KPNA5: variants seen among roughly 807,000 people sequenced by gnomAD.
KPNA5 encodes the protein importin subunit alpha-6.
KPNA5 carries 46 observed loss-of-function variants against 71.3 expected under a neutral mutation model. The observed-to-expected ratio is 0.65, with a 90% confidence interval of 0.51 to 0.83. The LOEUF is 0.83. KPNA5 is among the 40% of genes least tolerant of loss of function. The pLI is 0.00. For synonymous variants in KPNA5, 207 were observed against 201.4 expected (o/e 1.03, Z -0.24); for missense variants, 547 against 628.3 (o/e 0.87, Z 1.38).
intron 5 of KPNA5, among the ~76,000 whole-genome samples, chr6:116,701,542 C>G (rs187257983): frequency 2.0e-5 from 3 of 152,268 alleles, no homozygotes; most frequent in Admixed American, 6.5e-5. Flanking sequence ...TACCTAATCT[C>G]TCAACTTCTA....
intron 7 of KPNA5, among the ~76,000 whole-genome samples, chr6:116,709,961 A>T (rs1583426354): frequency 6.6e-6 from 1 of 152,074 alleles, no homozygotes; most frequent in East Asian, 1.9e-4. Flanking sequence ...GGGTTTCACC[A>T]TGTTGGCCAG....
At chr6:116,719,633 G>A (rs1040992345) in intron 8 of KPNA5, among the ~76,000 whole-genome samples, 1 of 152,094 alleles carries the variant, frequency 6.6e-6, no homozygotes, top group African/African-American at 2.4e-5. Context: ...GATGGTTTGA[G>A]CCCAGGGGTT....
At chr6:116,708,803 T>C (rs1285487950) in intron 7 of KPNA5, among the ~76,000 whole-genome samples, 1 of 152,170 alleles carries the variant, frequency 6.6e-6, no homozygotes, top group Non-Finnish European at 1.5e-5. Flanking sequence ...TTATTTAATT[T>C]GAGACAGGGT....
intron 7 of KPNA5, among the ~76,000 whole-genome samples, chr6:116,709,412 G>A (rs1778567561): frequency 6.6e-6 from 1 of 152,112 alleles, no homozygotes; most frequent in South Asian, 2.1e-4. Flanking sequence ...TGGCCAGGCT[G>A]GTCTTGAAGT....
chr6:116,689,384 TC>T lies in KPNA5; in HGVS notation c.71del (p.Pro24LeufsTer68). 1 of 1,610,184 alleles carries T rather than the reference TC, an allele frequency of 6.2e-7. No individual in the cohort carries two copies. Among genetic ancestry groups the T allele is most frequent in the Non-Finnish European group, 8.5e-7 (1 of 1,178,498 alleles). On this transcript the variant is annotated frameshift_variant, in exon 2 of 14. Coordinates refer to ENST00000368564, the MANE Select transcript of KPNA5 (RefSeq NM_001366306.2). LOFTEE classifies it high-confidence loss of function. ...MKSYKNKALNPQEMRRRREEE... is the reference protein window; with the variant it reads ...MKSYKNKALNXQEMRRRREEE... ...AAAGTTATAAGAATAAAGCCCTAAA[TC>T]CTCAAGAGATGCGTAGACGAAGAGA... is the stretch of plus-strand genomic sequence containing the variant.
At position 116,706,942 on chromosome 6, in the gene KPNA5, G is replaced by A. The variant is rs571675063; in HGVS notation, c.656+1782G>A. On this transcript the variant is annotated intron_variant, in intron 7 of 13. Coordinates refer to ENST00000368564, the MANE Select transcript of KPNA5 (RefSeq NM_001366306.2). ...ACTTTGGGGAGGCCGAGTTGGGTGG[G>A]TCATGAGGTCAGGAGATCGAGACCA... 2.1e-3 allele frequency among the ~76,000 whole-genome samples: 318 copies of A among 151,986 alleles called. 2 individuals carry two copies. Among genetic ancestry groups the A allele is most frequent in the Admixed American group, 5.3e-3 (81 of 15,246 alleles).
intron 5 of KPNA5, among the ~76,000 whole-genome samples, chr6:116,699,949 TA>T (rs1778167239): frequency 6.6e-6 from 1 of 152,082 alleles, no homozygotes; most frequent in East Asian, 1.9e-4. Flanking sequence ...AAGACAGACA[TA>T]AAAAAGATCT....
rs867783787 is a variant in KPNA5 at position 116,735,324 on chromosome 6, A to C, written c.*3001A>C. 6.6e-6 allele frequency: 1 copy of C among 151,748 alleles called. No individual in the cohort carries two copies. Among genetic ancestry groups the C allele is most frequent in the Non-Finnish European group, 1.5e-5 (1 of 67,758 alleles). The allele number at this position is 151,748 out of a possible 1,614,324, so 9.4% of individuals were successfully genotyped here. A position where few individuals can be genotyped will look rare whatever the true frequency, so the allele number is the denominator to read the frequency against. On this transcript the variant is annotated 3_prime_UTR_variant, in exon 14 of 14. Transcript: ENST00000368564. Reference sequence around the variant, plus strand: ...TCTTTTAAGAAGGAGCATTATGGAAAAATAAATATAAAGTCTTAGTGAATT... The same window carrying C: ...TCTTTTAAGAAGGAGCATTATGGAACAATAAATATAAAGTCTTAGTGAATT...
At chr6:116,699,358 TAA>T (rs906753036) in intron 5 of KPNA5, among the ~76,000 whole-genome samples, 26 of 152,212 alleles carry the variant, frequency 1.7e-4, no homozygotes, top group African/African-American at 5.1e-4. Context: ...ATTTTAATGT[TAA>T]AAAAAGATTG....
rs1294286997 is a variant in KPNA5 at position 116,735,018 on chromosome 6, A to G, written c.*2695A>G. The G allele has an allele frequency of 6.6e-6, 1 of 151,724 alleles. No individual in the cohort carries two copies. Among genetic ancestry groups the G allele is most frequent in the African/African-American group, 2.4e-5 (1 of 41,418 alleles). The allele number at this position is 151,724 out of a possible 1,614,324, so 9.4% of individuals were successfully genotyped here. ...TTTCTCCTATTTAATCTATGCAATT[A>G]TGCTTGTTTTATATTTATAAGCACT... On this transcript the variant is annotated 3_prime_UTR_variant, in exon 14 of 14. Transcript: ENST00000368564.
chr6:116,734,366 AAT>A lies in KPNA5; in HGVS notation c.*2046_*2047del, dbSNP rs935246936. The A allele has an allele frequency of 2.0e-5, 3 of 151,834 alleles. No homozygotes were observed. The highest frequency in any genetic ancestry group is 4.4e-5 in the Non-Finnish European group (3 of 67,762). 9.4% of individuals were successfully genotyped at this position (151,834 alleles called of 1,614,324 possible). On this transcript the variant is annotated 3_prime_UTR_variant, in exon 14 of 14. Transcript: ENST00000368564. ...AGTTCTTATAGAAGGAGAAATAATA[AAT>A]ATGTGTGTGTTGATGCATGCACACA...
At chr6:116,704,954 TG>T in intron 6 of KPNA5, 117 bp from the exon 7 acceptor site, 1 of 624,016 alleles carries the variant, frequency 1.6e-6, no homozygotes, top group South Asian at 2.3e-5. Flanking sequence ...TCTTTTCTAC[TG>T]TTTTTTTTTA....
chr6:116,699,027 C>A (rs1778135434), intron 5 of KPNA5, among the ~76,000 whole-genome samples: 1 of 151,978 alleles, frequency 6.6e-6, no homozygotes, highest in African/African-American at 2.4e-5. Flanking sequence ...AAAATCATTA[C>A]TAATGTTAAT....
chr6:116,732,074 TTATATATATATATATA>T (rs2243369), intron 13 of KPNA5, 46 bp from the exon 14 acceptor site: 1,609 of 67,642 alleles, frequency 0.024, 53 homozygotes, highest in African/African-American at 0.042. Context: ...AACAGTTTGT[TTATATATATATATATA>T]TATATATATA....
chr6:116,694,629 G>T (rs759978040), intron 4 of KPNA5, among the ~76,000 whole-genome samples: 4 of 152,138 alleles, frequency 2.6e-5, no homozygotes, highest in Non-Finnish European at 4.4e-5. Flanking sequence ...AGCTTAAGGA[G>T]ATTTTGGGCT....
chr6:116,681,928 T>C (rs2114338136), intron 1 of KPNA5, among the ~76,000 whole-genome samples: 1 of 152,086 alleles, frequency 6.6e-6, no homozygotes, highest in African/African-American at 2.4e-5. Flanking sequence ...ACATAGGAGA[T>C]GGAAGTATTT....
chr6:116,694,550 G>T (rs1442056690), intron 4 of KPNA5, among the ~76,000 whole-genome samples: 2 of 152,070 alleles, frequency 1.3e-5, no homozygotes, highest in Non-Finnish European at 2.9e-5. Context: ...TCTGTTATTG[G>T]TGTATAAGAA....
chr6:116,727,468 G>T (rs1165344536), intron 12 of KPNA5, among the ~76,000 whole-genome samples: 1 of 152,014 alleles, frequency 6.6e-6, no homozygotes, highest in African/African-American at 2.4e-5. Context: ...CAATTACATT[G>T]TTTTAGGTAT....
chr6:116,730,859 C>CT (rs563800945), intron 13 of KPNA5, among the ~76,000 whole-genome samples: 41 of 143,658 alleles, frequency 2.9e-4, no homozygotes, highest in East Asian at 1.2e-3. Flanking sequence ...ATCTATTTGA[C>CT]TTTTTTTTTT....
Sources: allele counts gnomAD v4.1 joint callset (sites outside exome capture counted in the v4.1 genomes callset), GRCh38; gene constraint gnomAD v4.1.1; transcripts MANE v1.5; gene names NCBI Gene and HGNC (gene_info 2026-07-23, HGNC 2026-07-21).